TENM2: variants seen among roughly 807,000 people sequenced by gnomAD.
TENM2 encodes the protein teneurin transmembrane protein 2, also known as teneurin-2.
A neutral mutation model predicts 245.2 loss-of-function variants in TENM2; 52 were observed. The observed-to-expected ratio is 0.21, with a 90% CI of 0.17 to 0.27. The LOEUF (loss-of-function observed/expected upper bound fraction) is 0.27, where lower values mean the gene tolerates loss of function less well. Ranked by LOEUF, TENM2 falls within the 10% of genes least tolerant of loss-of-function variation. The probability of loss-of-function intolerance (pLI) is 1.00; values close to 1 mark genes in which losing one functional copy is unlikely to be tolerated. For synonymous variants in TENM2, 1,363 were observed against 1,438.9 expected, an observed-to-expected ratio of 0.95 and a Z score of 1.19; for missense variants, 3,046 against 3,666.8, an observed-to-expected ratio of 0.83 and a Z score of 4.37.
intron 2 of TENM2, among the ~76,000 whole-genome samples, chr5:167,423,597 T>A (rs1317978123): frequency 6.6e-6 from 1 of 152,128 alleles, no homozygotes; most frequent in Non-Finnish European, 1.5e-5. Flanking sequence ...AGTAAATAAT[T>A]CCCCTTTTAA....
the TENM2 span, among the ~76,000 whole-genome samples, chr5:167,194,587 A>G: frequency 6.6e-6 from 1 of 152,128 alleles, no homozygotes; most frequent in African/African-American, 2.4e-5. Flanking sequence ...TTCTGAAATT[A>G]GGTTTTGAGT....
the TENM2 span, among the ~76,000 whole-genome samples, chr5:167,061,630 G>C: frequency 1.3e-5 from 2 of 152,030 alleles, no homozygotes; most frequent in Non-Finnish European, 2.9e-5. Flanking sequence ...GTGACAAATG[G>C]TAACGTAAGT....
intron 2 of TENM2, among the ~76,000 whole-genome samples, chr5:167,421,382 C>T (rs1561941153): frequency 6.6e-6 from 1 of 152,188 alleles, no homozygotes; most frequent in African/African-American, 2.4e-5. Flanking sequence ...CCTCAGTCAA[C>T]AGCTAACTTA....
intron 2 of TENM2, among the ~76,000 whole-genome samples, chr5:167,558,661 T>A (rs1004700299): frequency 6.6e-6 from 1 of 152,242 alleles, no homozygotes; most frequent in African/African-American, 2.4e-5. Flanking sequence ...CACCCCCTGA[T>A]GGGACCATCT....
At chr5:167,453,393 A>G (rs538690063) in intron 2 of TENM2, among the ~76,000 whole-genome samples, 87 of 152,232 alleles carry the variant, frequency 5.7e-4, no homozygotes, top group African/African-American at 2.0e-3. Context: ...ATGCCCAGTC[A>G]CTATTGTTTG....
At chr5:167,431,970 T>TATATAC (rs1554150946) in intron 2 of TENM2, among the ~76,000 whole-genome samples, 6 of 135,530 alleles carry the variant, frequency 4.4e-5, no homozygotes, top group African/African-American at 1.7e-4. Flanking sequence ...TGTATATATA[T>TATATAC]ATATATATGG....
At chr5:167,694,807 T>G (rs1197273736) in intron 2 of TENM2, among the ~76,000 whole-genome samples, 2 of 152,172 alleles carry the variant, frequency 1.3e-5, no homozygotes, top group African/African-American at 2.4e-5. Context: ...TGTAATCACA[T>G]TGTTCATCAG....
At chr5:167,849,448 T>C (rs1233274400) in intron 2 of TENM2, among the ~76,000 whole-genome samples, 1 of 152,210 alleles carries the variant, frequency 6.6e-6, no homozygotes, top group Non-Finnish European at 1.5e-5. Flanking sequence ...ACTTCACTTC[T>C]GGTTACCATC....
At chr5:167,398,362 TTTCCTTTCTTTC>T (rs1401099091) in intron 2 of TENM2, among the ~76,000 whole-genome samples, 25 of 149,274 alleles carry the variant, frequency 1.7e-4, no homozygotes, top group African/African-American at 6.2e-4. Flanking sequence ...TCTTTCTTTC[TTTCCTTTCTTTC>T]TTCCTTTCTT....
At chr5:167,933,683 A>G in intron 3 of TENM2, among the ~76,000 whole-genome samples, 1 of 151,416 alleles carries the variant, frequency 6.6e-6, no homozygotes, top group Non-Finnish European at 1.5e-5. Flanking sequence ...AAAAAAAGGC[A>G]CATTCATGAC....
intron 2 of TENM2, among the ~76,000 whole-genome samples, chr5:167,709,963 G>C (rs1758796456): frequency 6.6e-6 from 1 of 152,194 alleles, no homozygotes; most frequent in African/African-American, 2.4e-5. Context: ...GAGTAAAAAT[G>C]AGGCTGTTGG....
intron 2 of TENM2, among the ~76,000 whole-genome samples, chr5:167,621,137 C>T (rs1778145529): frequency 2.0e-5 from 3 of 152,084 alleles, no homozygotes; most frequent in South Asian, 4.1e-4. Context: ...ATATTATACT[C>T]GGAGCAAAGT....
At chr5:168,002,519 G>C (rs903086955) in intron 5 of TENM2, among the ~76,000 whole-genome samples, 2 of 152,168 alleles carry the variant, frequency 1.3e-5, no homozygotes, top group Non-Finnish European at 2.9e-5. Flanking sequence ...CATCTTTCAA[G>C]GAAGTTCAGT....
At chr5:168,200,996 T>TTCC (rs1234529253) in intron 17 of TENM2, among the ~76,000 whole-genome samples, 2 of 152,312 alleles carry the variant, frequency 1.3e-5, no homozygotes, top group East Asian at 3.9e-4. Flanking sequence ...GTATCAGACG[T>TTCC]TCCTTTTGTG....
chr5:167,321,275 GAAAA>G (rs1007606546), intron 1 of TENM2, among the ~76,000 whole-genome samples: 2 of 152,094 alleles, frequency 1.3e-5, no homozygotes, highest in East Asian at 1.9e-4. Context: ...AATAGACAAA[GAAAA>G]ATATAGGGCA....
chr5:166,981,571 G>A, the TENM2 span, among the ~76,000 whole-genome samples: 1 of 152,166 alleles, frequency 6.6e-6, no homozygotes, highest in South Asian at 2.1e-4. Flanking sequence ...CCACACACAT[G>A]TGTAGGAAAA....
At chr5:167,972,845 T>G (rs17069484) in intron 4 of TENM2, among the ~76,000 whole-genome samples, 32,699 of 152,126 alleles carry the variant, frequency 0.21, 4,142 homozygotes, top group East Asian at 0.6. Context: ...CCAATACCTC[T>G]TCTTAATGCC....
the TENM2 span, among the ~76,000 whole-genome samples, chr5:167,080,209 T>G: frequency 1.3e-5 from 2 of 152,208 alleles, no homozygotes; most frequent in Non-Finnish European, 2.9e-5. Flanking sequence ...TTAAGTAACA[T>G]GTTTTTAATA....
chr5:167,281,273 A>AT (rs113120728), upstream of TENM2, among the ~76,000 whole-genome samples: 14,463 of 131,746 alleles, frequency 0.11, 883 homozygotes, highest in East Asian at 0.25. Flanking sequence ...ACGCCTGGCT[A>AT]TTTTTTTTTT....
Sources: gnomAD v4.1 joint callset for allele counts (sites outside exome capture counted in the v4.1 genomes callset) on GRCh38, gnomAD v4.1.1 for gene constraint, MANE v1.5 for transcripts, NCBI Gene and HGNC (gene_info 2026-07-23, HGNC 2026-07-21) for gene names.